NEDD4L: variants seen among roughly 807,000 people sequenced by gnomAD.
The protein encoded by NEDD4L is NEDD4 like E3 ubiquitin protein ligase, also known as E3 ubiquitin-protein ligase NEDD4-like.
A neutral mutation model predicts 148.9 loss-of-function variants in NEDD4L; 54 were observed. That is an observed-to-expected ratio of 0.36 (90% CI 0.29 to 0.45). NEDD4L has a LOEUF of 0.45. Ranked by LOEUF, NEDD4L falls within the 20% of genes least tolerant of loss-of-function variation. The probability of loss-of-function intolerance (pLI) is 1.00; values close to 1 mark genes in which losing one functional copy is unlikely to be tolerated. For missense variants in NEDD4L, 856 were observed against 1,233.8 expected, an observed-to-expected ratio of 0.69 and a Z score of 4.59; for synonymous variants, 433 against 440.7, an observed-to-expected ratio of 0.98 and a Z score of 0.22.
chr18:58,167,523 G>A (rs145894461), intron 2 of NEDD4L, among the ~76,000 whole-genome samples: 18 of 152,134 alleles, frequency 1.2e-4, no homozygotes, highest in African/African-American at 3.6e-4. Flanking sequence ...ATATCAAAGC[G>A]TGTGTCTTTC....
chr18:58,110,220 C>G (rs1568229536), intron 1 of NEDD4L, among the ~76,000 whole-genome samples: 1 of 152,208 alleles, frequency 6.6e-6, no homozygotes, highest in Non-Finnish European at 1.5e-5. Flanking sequence ...AGGTTGAGTA[C>G]TGTCCTTCTT....
At chr18:58,280,210 G>T (rs778845006) in intron 5 of NEDD4L, among the ~76,000 whole-genome samples, 78 of 152,204 alleles carry the variant, frequency 5.1e-4, no homozygotes, top group Non-Finnish European at 1.5e-4. Context: ...AAAGGTAGAT[G>T]ATGCCTCTGG....
At chr18:58,295,645 C>T (rs1024261520) in intron 5 of NEDD4L, among the ~76,000 whole-genome samples, 26 of 152,166 alleles carry the variant, frequency 1.7e-4, no homozygotes, top group African/African-American at 5.5e-4. Context: ...CCTCAGAAAG[C>T]ACAGTTTTCT....
At chr18:58,099,286 C>G (rs1404208971) in intron 1 of NEDD4L, among the ~76,000 whole-genome samples, 14 of 152,088 alleles carry the variant, frequency 9.2e-5, no homozygotes, top group Non-Finnish European at 1.5e-5. Flanking sequence ...TCAAGCAAAT[C>G]CCAGTGCCTT....
intron 1 of NEDD4L, among the ~76,000 whole-genome samples, chr18:58,084,027 G>A (rs182555627): frequency 3.9e-5 from 6 of 152,234 alleles, no homozygotes; most frequent in East Asian, 3.9e-4. Flanking sequence ...CAGTGCGCCC[G>A]GCCCAAAGCT....
chr18:58,098,447 C>A (rs867429002), intron 1 of NEDD4L, among the ~76,000 whole-genome samples: 7 of 152,280 alleles, frequency 4.6e-5, no homozygotes, highest in Middle Eastern at 6.8e-3. Flanking sequence ...TCGTGGAGCG[C>A]CATGATACAG....
At chr18:58,161,650 C>G (rs867190841) in intron 1 of NEDD4L, among the ~76,000 whole-genome samples, 1 of 152,082 alleles carries the variant, frequency 6.6e-6, no homozygotes, top group Non-Finnish European at 1.5e-5. Flanking sequence ...ACTGCTATAA[C>G]AACTTTTGGT....
chr18:58,401,225 C>T lies in NEDD4L; in HGVS notation c.*4956C>T, dbSNP rs2050826385. On this transcript the variant is annotated 3_prime_UTR_variant, in exon 31 of 31. Coordinates refer to ENST00000400345, the MANE Select transcript of NEDD4L (RefSeq NM_001144967.3). ...ATAACTTTTTATTATAAACCCACCT[C>T]CTAATAGGAAGCCAAGTACTATTTG... is the stretch of plus-strand genomic sequence containing the variant. 1 of 152,206 alleles carries T rather than the reference C, an allele frequency of 6.6e-6. No individual in the cohort carries two copies. The highest frequency in any genetic ancestry group is 2.4e-5 in the African/African-American group (1 of 41,446). The allele number at this position is 152,206 out of a possible 1,614,324, so 9.4% of individuals were successfully genotyped here. A position where few individuals can be genotyped will look rare whatever the true frequency, so the allele number is the denominator to read the frequency against.
chr18:58,380,733 C>T (rs1255971406), intron 24 of NEDD4L, among the ~76,000 whole-genome samples: 1 of 152,158 alleles, frequency 6.6e-6, no homozygotes, highest in Non-Finnish European at 1.5e-5. Context: ...AGCCCTCCAC[C>T]CCATGACAGG....
chr18:58,341,638 A>T (rs2042436043), intron 14 of NEDD4L, 40 bp from the exon 15 acceptor site: 1 of 1,591,092 alleles, frequency 6.3e-7, no homozygotes, highest in Admixed American at 1.8e-5. Context: ...ACACCGGGAG[A>T]TCCTCCTATG....
chr18:58,164,822 A>G (rs1004603755), intron 1 of NEDD4L, among the ~76,000 whole-genome samples: 14 of 152,192 alleles, frequency 9.2e-5, no homozygotes, highest in Non-Finnish European at 2.1e-4. Flanking sequence ...GACCTTGGTT[A>G]TAACTGCAGG....
At position 58,318,412 on chromosome 18, in the gene NEDD4L, C is replaced by A. The variant is rs373918526; in HGVS notation, c.348+2380C>A. On this transcript the variant is annotated intron_variant, in intron 6 of 30. Coordinates refer to ENST00000400345, the MANE Select transcript of NEDD4L (RefSeq NM_001144967.3). The stretch of plus-strand genomic sequence containing the variant: ...CTCTATAGAGAAACTTAAAGATTAA[C>A]CCAGCATGGTGGCACATGCCTGTTG... Among the ~76,000 whole-genome samples the A allele has an allele frequency of 4.6e-5, 7 of 152,300 alleles. No individual in the cohort carries two copies. In the East Asian group the frequency reaches 9.6e-4, roughly 21 times the overall value.
chr18:58,389,755 A>C (rs1016376436), intron 28 of NEDD4L, among the ~76,000 whole-genome samples: 3 of 151,710 alleles, frequency 2.0e-5, no homozygotes, highest in African/African-American at 7.3e-5. Flanking sequence ...AAAAAAAAAA[A>C]CAGTTATCCC....
chr18:58,385,424 T>C, intron 25 of NEDD4L, 102 bp from the exon 26 acceptor site: 1 of 914,818 alleles, frequency 1.1e-6, no homozygotes, highest in Non-Finnish European at 1.8e-6. Flanking sequence ...TCCCCTCTGC[T>C]CTGCTGTCGT....
chr18:58,329,471 C>T (rs1215155120), intron 10 of NEDD4L, among the ~76,000 whole-genome samples: 5 of 152,078 alleles, frequency 3.3e-5, no homozygotes, highest in Non-Finnish European at 2.9e-5. Flanking sequence ...ATTCTCCTGC[C>T]TCAGCCTCCT....
chr18:58,057,519 C>T (rs879484998), intron 1 of NEDD4L, among the ~76,000 whole-genome samples: 12 of 152,138 alleles, frequency 7.9e-5, no homozygotes, highest in African/African-American at 2.9e-4. Context: ...TGCAGCTGCA[C>T]CTGGATGGGG....
intron 1 of NEDD4L, among the ~76,000 whole-genome samples, chr18:58,136,956 T>C (rs1194942264): frequency 1.3e-5 from 2 of 152,200 alleles, no homozygotes; most frequent in Non-Finnish European, 2.9e-5. Flanking sequence ...ATACATTTTT[T>C]AAAAAAGCAT....
chr18:58,105,672 G>A (rs2085027147), intron 1 of NEDD4L, among the ~76,000 whole-genome samples: 1 of 152,128 alleles, frequency 6.6e-6, no homozygotes, highest in African/African-American at 2.4e-5. Flanking sequence ...AAAATAGGTG[G>A]TATGGCTCAT....
intron 2 of NEDD4L, among the ~76,000 whole-genome samples, chr18:58,237,284 G>A (rs952071737): frequency 2.6e-5 from 4 of 152,064 alleles, no homozygotes; most frequent in Non-Finnish European, 5.9e-5. Flanking sequence ...GACTATCTGA[G>A]GAATAAAATC....
Sources: allele counts gnomAD v4.1 joint callset (sites outside exome capture counted in the v4.1 genomes callset), GRCh38; gene constraint gnomAD v4.1.1; transcripts MANE v1.5; gene names NCBI Gene and HGNC (gene_info 2026-07-23, HGNC 2026-07-21).